SUGP1: variants seen among roughly 807,000 people sequenced by gnomAD.
SUGP1 encodes SURP and G-patch domain containing 1.
A neutral mutation model predicts 76.5 loss-of-function variants in SUGP1; 34 were observed. The observed-to-expected ratio is 0.44, with a 90% CI of 0.34 to 0.59. The LOEUF (loss-of-function observed/expected upper bound fraction) is 0.59. Among genes scored for constraint, SUGP1 ranks in the 20% least tolerant of loss-of-function variants. SUGP1 has a pLI of 0.01. For missense variants in SUGP1, 752 were observed against 851.7 expected (o/e 0.88, Z 1.46); for synonymous variants, 326 against 326.2 (o/e 1.00, Z 0.01).
chr19:19,310,287 A>G, intron 2 of SUGP1, 87 bp from the exon 3 acceptor site: 2 of 1,016,400 alleles, frequency 2.0e-6, no homozygotes, highest in Non-Finnish European at 1.5e-6. Context: ...TGAGGCCATC[A>G]CCTCGTCCAT....
At chr19:19,318,895 TC>T (rs1273780808) in intron 1 of SUGP1, among the ~76,000 whole-genome samples, 1 of 152,088 alleles carries the variant, frequency 6.6e-6, no homozygotes, top group Non-Finnish European at 1.5e-5. Context: ...CCTCAGAGGT[TC>T]CCCATGGGAC....
At chr19:19,297,766 A>G (rs1278447016) in intron 7 of SUGP1, among the ~76,000 whole-genome samples, 1 of 152,160 alleles carries the variant, frequency 6.6e-6, no homozygotes, top group Non-Finnish European at 1.5e-5. Context: ...GGGCTTCTCA[A>G]ATGCATCTTT....
rs774751475 is a variant in SUGP1 at position 19,303,409 on chromosome 19, G to A, written c.702C>T (p.Tyr234=). The change falls in exon 6 of 14, where the codon TAC becomes TAT. Residue 234 remains tyrosine, a synonymous_variant. Transcript: ENST00000247001. ...HDKNSREFLY[Y]RKKVAEIRKE... is the part of the protein sequence containing the mutation. ...TTCTTATCTCAGCCACCTTCTTCCTGTAGTAGAGGAATTCCCTGCTATTCT... is the reference window on the plus strand; with the variant it reads ...TTCTTATCTCAGCCACCTTCTTCCTATAGTAGAGGAATTCCCTGCTATTCT... 8 of 1,614,182 alleles carry A rather than the reference G, an allele frequency of 5.0e-6. No homozygotes were observed. The South Asian group carries it at 6.6e-5, about 13-fold the overall frequency.
At chr19:19,283,860 C>T (rs998813534) in intron 8 of SUGP1, among the ~76,000 whole-genome samples, 6 of 152,256 alleles carry the variant, frequency 3.9e-5, no homozygotes, top group African/African-American at 9.6e-5. Context: ...GCTGGGATTA[C>T]AGGCGTGAGC....
intron 6 of SUGP1, 72 bp from the exon 7 acceptor site, chr19:19,302,460 G>C (rs1402647877): frequency 3.8e-6 from 6 of 1,568,982 alleles, no homozygotes; most frequent in Non-Finnish European, 4.3e-6. Context: ...AGAACCCCAA[G>C]GGCAACAAGT....
intron 10 of SUGP1, among the ~76,000 whole-genome samples, 167 bp downstream of exon 10, chr19:19,279,046 A>G: frequency 6.6e-6 from 1 of 152,168 alleles, no homozygotes; most frequent in African/African-American, 2.4e-5. Flanking sequence ...ACTAGGCCCC[A>G]GAGAGACTGA....
intron 8 of SUGP1, among the ~76,000 whole-genome samples, chr19:19,290,894 G>A (rs2061177135): frequency 1.3e-5 from 2 of 151,638 alleles, no homozygotes; most frequent in Admixed American, 6.6e-5. Context: ...TGAGGTGGGC[G>A]GATCACAAGG....
At chr19:19,277,433 G>A (rs1368491076) in intron 12 of SUGP1, among the ~76,000 whole-genome samples, 5 of 152,140 alleles carry the variant, frequency 3.3e-5, no homozygotes, top group Non-Finnish European at 5.9e-5. Flanking sequence ...GCACTCATGG[G>A]GAATTCAAAT....
chr19:19,289,402 G>C (rs982895516), intron 8 of SUGP1, among the ~76,000 whole-genome samples: 1 of 151,866 alleles, frequency 6.6e-6, no homozygotes, highest in African/African-American at 2.4e-5. Context: ...AGGAGTTTGA[G>C]ACCAGCCTAG....
intron 5 of SUGP1, 123 bp downstream of exon 5, chr19:19,303,601 G>A: frequency 7.1e-7 from 1 of 1,400,394 alleles, no homozygotes; most frequent in Non-Finnish European, 1.0e-6. Context: ...GTCACTTCTG[G>A]TGAGAATCAG....
chr19:19,313,608 C>G (rs972236943), intron 2 of SUGP1, among the ~76,000 whole-genome samples: 4 of 152,136 alleles, frequency 2.6e-5, no homozygotes, highest in Admixed American at 2.0e-4. Flanking sequence ...ACTCAAGAGG[C>G]TGAGGTGGGA....
intron 1 of SUGP1, among the ~76,000 whole-genome samples, chr19:19,317,604 G>A (rs55914961): frequency 1.7e-4 from 26 of 151,884 alleles, no homozygotes; most frequent in Non-Finnish European, 2.8e-4. Flanking sequence ...TGCAGCCTCC[G>A]CCTCCCCGGC....
chr19:19,279,888 G>A lies in SUGP1; in HGVS notation c.1350+297C>T, dbSNP rs1365283085. 6.0e-4 allele frequency among the ~76,000 whole-genome samples: 91 copies of A among 152,340 alleles called. 1 individual carries two copies. On this transcript the variant is annotated intron_variant, in intron 9 of 13. Transcript: ENST00000247001. ...CTCCCATGGGAACCAGCCCTGGAGCGCGGCGAGAAGCAGCCACAAAGCTCA... is the reference window on the plus strand; with the variant it reads ...CTCCCATGGGAACCAGCCCTGGAGCACGGCGAGAAGCAGCCACAAAGCTCA...
intron 2 of SUGP1, among the ~76,000 whole-genome samples, chr19:19,314,581 G>A (rs1341559098): frequency 6.6e-6 from 1 of 152,182 alleles, no homozygotes; most frequent in Non-Finnish European, 1.5e-5. Flanking sequence ...GCACCCCTCA[G>A]TTCCTGGGCC....
rs150948164 is a variant in SUGP1 at position 19,302,327 on chromosome 19, C to T, written c.825G>A (p.Ala275=). Residue 275 remains alanine, a synonymous_variant, in exon 7 of 14, where the codon GCG becomes GCA. Coordinates refer to ENST00000247001, the MANE Select transcript of SUGP1 (RefSeq NM_172231.4). ...NLAEKLARFI[A]DGGPEVETIA... is the part of the protein sequence containing the mutation. ...TGGTTTCCACCTCGGGACCCCCGTC[C>T]GCTATGAACCTGGCCAACTTTTCTG... 3.7e-6 allele frequency: 6 copies of T among 1,614,078 alleles called. No homozygotes were observed. Among genetic ancestry groups the T allele is most frequent in the African/African-American group, 2.7e-5 (2 of 74,922 alleles).
At chr19:19,306,137 A>G (rs2061316490) in intron 3 of SUGP1, 61 bp from the exon 4 acceptor site, 2 of 1,435,404 alleles carry the variant, frequency 1.4e-6, no homozygotes, top group Admixed American at 5.4e-5. Flanking sequence ...CCGGCTTCCG[A>G]CCTAACCTAG....
At chr19:19,280,399 A>C (rs534972272) in intron 8 of SUGP1, 108 bp from the exon 9 acceptor site, 2 of 969,354 alleles carry the variant, frequency 2.1e-6, no homozygotes, top group East Asian at 4.9e-5. Context: ...CTCCAGGCAC[A>C]CGGGGACCTC....
At chr19:19,306,374 C>T (rs929307565) in intron 3 of SUGP1, among the ~76,000 whole-genome samples, 1 of 152,186 alleles carries the variant, frequency 6.6e-6, no homozygotes, top group Non-Finnish European at 1.5e-5. Flanking sequence ...GGGGACAGAA[C>T]GTCAGTTCTG....
At chr19:19,280,939 C>A (rs1229335988) in intron 8 of SUGP1, 2 of 152,208 alleles carry the variant, frequency 1.3e-5, no homozygotes, top group African/African-American at 2.4e-5. Context: ...CGGTGCTTCC[C>A]GGGGGAGAAG....
Sources: allele counts gnomAD v4.1 joint callset (sites outside exome capture counted in the v4.1 genomes callset), GRCh38; gene constraint gnomAD v4.1.1; transcripts MANE v1.5; gene names NCBI Gene and HGNC (gene_info 2026-07-23, HGNC 2026-07-21).